ADCK1: variants seen among roughly 807,000 people sequenced by gnomAD.
ADCK1 encodes aarF domain-containing protein kinase 1.
Under a neutral mutation model 52.3 loss-of-function variants are expected in ADCK1, and 41 were observed. The observed-to-expected ratio is 0.78, with a 90% CI of 0.61 to 1.02. The LOEUF is 1.02. ADCK1 is among the 50% of genes least tolerant of loss of function. ADCK1 has a pLI of 0.00. For synonymous variants in ADCK1, 250 were observed against 274.6 expected (o/e 0.91, Z 0.89); for missense variants, 658 against 679.5 (o/e 0.97, Z 0.35).
chr14:77,845,789 C>A (rs1298695015), intron 3 of ADCK1, among the ~76,000 whole-genome samples: 2 of 152,154 alleles, frequency 1.3e-5, no homozygotes, highest in Admixed American at 1.3e-4. Flanking sequence ...ACAAAATCAT[C>A]CCCTGCTCAC....
At chr14:77,891,833 C>G (rs1361997758) in intron 5 of ADCK1, among the ~76,000 whole-genome samples, 2 of 152,204 alleles carry the variant, frequency 1.3e-5, no homozygotes, top group Admixed American at 1.3e-4. Context: ...CTGGGTCTTT[C>G]TCTGGTACAA....
chr14:77,860,088 G>A (rs893833219), intron 4 of ADCK1, among the ~76,000 whole-genome samples: 3 of 152,092 alleles, frequency 2.0e-5, no homozygotes, highest in South Asian at 2.1e-4. Context: ...TGGGTTTCCC[G>A]TCCAAACCCC....
intron 3 of ADCK1, among the ~76,000 whole-genome samples, chr14:77,850,206 CA>C (rs142588841): frequency 0.2 from 30,108 of 152,046 alleles, 3,099 homozygotes; most frequent in Middle Eastern, 0.31. Context: ...AACCTTGTCT[CA>C]AAAAACAAAC....
intron 1 of ADCK1, among the ~76,000 whole-genome samples, chr14:77,814,398 T>C (rs1436337419): frequency 1.3e-5 from 2 of 149,380 alleles, no homozygotes; most frequent in Non-Finnish European, 3.0e-5. Flanking sequence ...TTCTGACCCA[T>C]TGGTAGACAA....
chr14:77,859,208 C>G lies in ADCK1; in HGVS notation c.352C>G (p.Leu118Val). Residue 118 changes from leucine (L) to valine (V), a missense_variant, in exon 4 of 11, where the codon CTG becomes GTG. Leu to Val is a conservative substitution (Grantham distance 32, BLOSUM62 1). Coordinates refer to ENST00000238561, the MANE Select transcript of ADCK1 (RefSeq NM_020421.4). ...PEEYTSTLKV[L>V]HSQAPQSSMQ... ...GGAGTACACCAGCACGCTGAAGGTA[C>G]TGCACAGCCAGGCTCCACAGAGCAG... 1 of 1,614,072 alleles carries G rather than the reference C, an allele frequency of 6.2e-7. No homozygotes were observed. The highest frequency in any genetic ancestry group is 8.5e-7 in the Non-Finnish European group (1 of 1,180,000).
intron 7 of ADCK1, among the ~76,000 whole-genome samples, chr14:77,910,217 A>T (rs567971264): frequency 6.6e-6 from 1 of 152,244 alleles, no homozygotes; most frequent in South Asian, 2.1e-4. Context: ...TGAGCTGCCT[A>T]TTGGACTTTT....
At chr14:77,849,337 A>T (rs1304353112) in intron 3 of ADCK1, among the ~76,000 whole-genome samples, 1 of 152,072 alleles carries the variant, frequency 6.6e-6, no homozygotes, top group Admixed American at 6.6e-5. Context: ...GCCTTCCAAT[A>T]TGTTGGGATT....
At chr14:77,819,840 C>T (rs1049102367) in intron 2 of ADCK1, among the ~76,000 whole-genome samples, 1 of 152,166 alleles carries the variant, frequency 6.6e-6, no homozygotes, top group Non-Finnish European at 1.5e-5. Context: ...TTCCCCTTCA[C>T]GTAGATTCAA....
chr14:77,862,487 T>C lies in ADCK1; in HGVS notation c.423+3208T>C, dbSNP rs534977593. ...TGGATGAGACTGGGGGTCTTTCTGC[T>C]CTTGGGCATGGTTCGTGCTGTTGAA... On this transcript the variant is annotated intron_variant, in intron 4 of 10. Transcript: ENST00000238561. Among the ~76,000 whole-genome samples, 145 of 152,294 alleles carry C rather than the reference T, an allele frequency of 9.5e-4. 1 individual carries two copies. The highest frequency in any genetic ancestry group is 2.5e-3 in the Admixed American group (38 of 15,302).
At chr14:77,812,592 G>A (rs1252252131) in intron 1 of ADCK1, among the ~76,000 whole-genome samples, 1 of 152,036 alleles carries the variant, frequency 6.6e-6, no homozygotes, top group Non-Finnish European at 1.5e-5. Flanking sequence ...GCATACTACT[G>A]CATATTCTTT....
intron 3 of ADCK1, among the ~76,000 whole-genome samples, chr14:77,837,833 TC>T (rs765897924): frequency 6.6e-6 from 1 of 152,198 alleles, no homozygotes; most frequent in Non-Finnish European, 1.5e-5. Flanking sequence ...CTCAGAAAAT[TC>T]CCATGTATTA....
chr14:77,870,754 C>T (rs1408099707), intron 4 of ADCK1, among the ~76,000 whole-genome samples: 1 of 152,174 alleles, frequency 6.6e-6, no homozygotes, highest in Admixed American at 6.5e-5. Flanking sequence ...AAGGACTTGC[C>T]CTGGCAGTTG....
intron 7 of ADCK1, among the ~76,000 whole-genome samples, chr14:77,919,193 G>A (rs1035297867): frequency 6.6e-6 from 1 of 152,166 alleles, no homozygotes; most frequent in Admixed American, 6.5e-5. Context: ...GGGATTACAG[G>A]CGTGAGCCAC....
chr14:77,805,066 C>T (rs968551924), intron 1 of ADCK1, among the ~76,000 whole-genome samples: 2 of 151,534 alleles, frequency 1.3e-5, no homozygotes, highest in East Asian at 2.0e-4. Flanking sequence ...ATTAGCCGGA[C>T]GTGGTGGCGC....
chr14:77,853,697 C>T (rs1449788847), intron 3 of ADCK1, among the ~76,000 whole-genome samples: 2 of 152,032 alleles, frequency 1.3e-5, no homozygotes, highest in African/African-American at 4.8e-5. Context: ...TACTGTTAAC[C>T]CTAAGCTTTT....
intron 9 of ADCK1, among the ~76,000 whole-genome samples, chr14:77,928,112 A>G (rs1425320968): frequency 6.6e-6 from 1 of 152,196 alleles, no homozygotes; most frequent in South Asian, 2.1e-4. Context: ...TTTGGAAGTA[A>G]GATTGAGTTT....
At chr14:77,825,847 A>G (rs1398126836) in intron 3 of ADCK1, among the ~76,000 whole-genome samples, 2 of 152,054 alleles carry the variant, frequency 1.3e-5, no homozygotes, top group African/African-American at 2.4e-5. Context: ...ATAATTGCCC[A>G]CTGCGCTTCC....
intron 4 of ADCK1, among the ~76,000 whole-genome samples, chr14:77,860,173 T>C (rs1003996578): frequency 6.6e-6 from 1 of 152,214 alleles, no homozygotes; most frequent in African/African-American, 2.4e-5. Flanking sequence ...AGAACTTTGC[T>C]CCCTGCACTT....
chr14:77,887,414 C>T (rs915813179), intron 5 of ADCK1, among the ~76,000 whole-genome samples, 165 bp downstream of exon 5: 7 of 151,974 alleles, frequency 4.6e-5, no homozygotes, highest in Admixed American at 4.6e-4. Flanking sequence ...ATGACAGCTC[C>T]CTGACCATGA....
Sources: gnomAD v4.1 joint callset for allele counts (sites outside exome capture counted in the v4.1 genomes callset) on GRCh38, gnomAD v4.1.1 for gene constraint, MANE v1.5 for transcripts, NCBI Gene and HGNC (gene_info 2026-07-23, HGNC 2026-07-21) for gene names.